The following IDE variants were observed in gnomAD, a reference collection of about 807,000 sequenced individuals.
IDE encodes insulin degrading enzyme, also known as insulin-degrading enzyme.
A neutral mutation model predicts 133.2 loss-of-function variants in IDE; 58 were observed. The observed-to-expected ratio is 0.44, with a 90% CI of 0.35 to 0.54. IDE has a LOEUF of 0.54. IDE is among the 20% of genes least tolerant of loss of function. The pLI, the probability that IDE is intolerant of heterozygous loss-of-function variation, is 0.00. For missense variants in IDE, 981 were observed against 1,234.0 expected, an observed-to-expected ratio of 0.79 and a Z score of 3.07; for synonymous variants, 396 against 421.3, an observed-to-expected ratio of 0.94 and a Z score of 0.73.
chr10:92,498,933 T>C (rs1847867218), intron 11 of IDE, among the ~76,000 whole-genome samples: 1 of 152,166 alleles, frequency 6.6e-6, no homozygotes, highest in African/African-American at 2.4e-5. Context: ...TTGTAGAAGG[T>C]ATATGATAAA....
Position 92,453,390 on chromosome 10 carries a change from T to C in IDE, c.*1054A>G, listed in dbSNP as rs1413808265. Reference sequence around the variant, plus strand: ...AACATTTAAGGCAAGATTAGACTGGTAGCAACAAGGGATTTTAGAGTTTTA... The same window carrying C: ...AACATTTAAGGCAAGATTAGACTGGCAGCAACAAGGGATTTTAGAGTTTTA... On this transcript the variant is annotated 3_prime_UTR_variant, in exon 25 of 25. Coordinates refer to ENST00000265986, the MANE Select transcript of IDE (RefSeq NM_004969.4). The C allele has an allele frequency of 6.6e-6, 1 of 152,220 alleles. No individual in the cohort carries two copies. Among genetic ancestry groups the C allele is most frequent in the East Asian group, 1.9e-4 (1 of 5,204 alleles). 9.4% of individuals were successfully genotyped at this position (152,220 alleles called of 1,614,324 possible).
chr10:92,551,227 G>GA (rs1842761660), intron 1 of IDE, among the ~76,000 whole-genome samples: 1 of 152,054 alleles, frequency 6.6e-6, no homozygotes, highest in Non-Finnish European at 1.5e-5. Context: ...CCTTAAAAAG[G>GA]AAAAAAATTC....
chr10:92,565,039 A>G (rs1368468435), intron 1 of IDE, among the ~76,000 whole-genome samples: 2 of 151,946 alleles, frequency 1.3e-5, no homozygotes, highest in Non-Finnish European at 2.9e-5. Context: ...TGAGGTCAGG[A>G]GTTTGAGACC....
chr10:92,537,655 G>C, intron 1 of IDE, 105 bp from the exon 2 acceptor site: 1 of 803,890 alleles, frequency 1.2e-6, no homozygotes, highest in Non-Finnish European at 1.9e-6. Flanking sequence ...TTTTCTAAAT[G>C]CTGAAGGAAA....
In IDE at chr10:92,508,180, C is replaced by T. The variant is rs376805406; in HGVS notation, c.1086G>A (p.Gly362=). 1 of 1,613,670 alleles carries T rather than the reference C, an allele frequency of 6.2e-7. No individual in the cohort carries two copies. Among genetic ancestry groups the T allele is most frequent in the Non-Finnish European group, 8.5e-7 (1 of 1,179,788 alleles). ...TAAAACCTCGGGCTCCTTCCTTCTG[C>T]CCACCAACAAGAGTATTAACCCAGC... The part of the protein sequence containing the change: ...SKGWVNTLVG[G]QKEGARGFMF... The change falls in exon 8 of 25, where the codon GGG becomes GGA. Residue 362 remains glycine (G), a synonymous_variant. Coordinates refer to ENST00000265986, the MANE Select transcript of IDE (RefSeq NM_004969.4).
chr10:92,534,503 T>C, intron 3 of IDE, 75 bp downstream of exon 3: 1 of 884,136 alleles, frequency 1.1e-6, no homozygotes, highest in African/African-American at 1.7e-5. Flanking sequence ...AAGCCATCTC[T>C]GTGGAAATAA....
chr10:92,477,121 T>C (rs139125196), intron 15 of IDE, among the ~76,000 whole-genome samples: 1 of 152,178 alleles, frequency 6.6e-6, no homozygotes, highest in African/African-American at 2.4e-5. Context: ...GTAAAAAGGA[T>C]ACACTGTATG....
chr10:92,501,743 G>C (rs1218625194), intron 11 of IDE, among the ~76,000 whole-genome samples: 1 of 151,984 alleles, frequency 6.6e-6, no homozygotes, highest in East Asian at 1.9e-4. Flanking sequence ...GGGAGGCTGA[G>C]GTGGGCGGAT....
intron 10 of IDE, among the ~76,000 whole-genome samples, 185 bp from the exon 11 acceptor site, chr10:92,505,082 G>C (rs758231124): frequency 1.3e-5 from 2 of 152,100 alleles, no homozygotes; most frequent in African/African-American, 4.8e-5. Context: ...TTGTTAAGCA[G>C]TTTCATATTG....
At chr10:92,512,838 A>C (rs1848701408) in intron 5 of IDE, among the ~76,000 whole-genome samples, 1 of 152,212 alleles carries the variant, frequency 6.6e-6, no homozygotes, top group African/African-American at 2.4e-5. Flanking sequence ...AAGTTACCAT[A>C]ATTTCATGAT....
At chr10:92,546,767 T>C (rs954948961) in intron 1 of IDE, among the ~76,000 whole-genome samples, 1 of 152,190 alleles carries the variant, frequency 6.6e-6, no homozygotes, top group Non-Finnish European at 1.5e-5. Context: ...TAGTAATTAC[T>C]TTAGACTCTA....
At chr10:92,532,005 GA>G in intron 3 of IDE, 88 bp from the exon 4 acceptor site, 3 of 943,868 alleles carry the variant, frequency 3.2e-6, no homozygotes, top group Non-Finnish European at 4.4e-6. Flanking sequence ...TATTAGATAG[GA>G]AATGTAAATT....
Position 92,514,611 on chromosome 10 carries a change from A to T in IDE, c.784+309T>A, listed in dbSNP as rs545165948. Among the ~76,000 whole-genome samples, 236 of 151,924 alleles carry T rather than the reference A, an allele frequency of 1.6e-3. 1 individual carries two copies. Among genetic ancestry groups the T allele is most frequent in the African/African-American group, 5.4e-3 (222 of 41,452 alleles). ...TACCACATCCCACTAATTTAAAAAA[A>T]TTTTTTTTGGTAGAGACAGGATCTT... On this transcript the variant is annotated intron_variant, in intron 5 of 24. Transcript: ENST00000265986.
chr10:92,468,845 AGTC>A, intron 19 of IDE, 31 bp downstream of exon 19: 1 of 1,108,862 alleles, frequency 9.0e-7, no homozygotes, highest in Non-Finnish European at 1.4e-6. Flanking sequence ...ATGTCAAAAT[AGTC>A]CATTCCCAAA....
In IDE at chr10:92,455,603, A is replaced by G; in HGVS notation, c.2937T>C (p.Asn979=). Residue 979 remains asparagine, a synonymous_variant, in exon 24 of 25, where the codon AAT becomes AAC. Coordinates refer to ENST00000265986, the MANE Select transcript of IDE (RefSeq NM_004969.4). Reference sequence around the variant, plus strand: ...GTGGCAAGGCTGGTGCTTGTGACAAATTTATGTCATTTTGACATGGGAACT... The same window carrying G: ...GTGGCAAGGCTGGTGCTTGTGACAAGTTTATGTCATTTTGACATGGGAACT... ...VGEFPCQNDI[N]LSQAPALPQP... is the part of the protein sequence containing the mutation. The G allele has an allele frequency of 1.2e-6, 2 of 1,603,446 alleles. No homozygotes were observed. The highest frequency in any genetic ancestry group is 1.7e-6 in the Non-Finnish European group (2 of 1,170,366).
Position 92,475,903 on chromosome 10 carries a change from A to C in IDE, c.1976T>G (p.Phe659Cys), listed in dbSNP as rs772157709. 7.0e-7 allele frequency: 1 copy of C among 1,435,614 alleles called. No homozygotes were observed. The highest frequency in any genetic ancestry group is 1.9e-4 in the Middle Eastern group (1 of 5,362). 88.9% of individuals were successfully genotyped at this position (1,435,614 alleles called of 1,614,324 possible). A position where few individuals can be genotyped will look rare whatever the true frequency, so the allele number is the denominator to read the frequency against. ...ACTTACTGCTTCTTTGATAATTTCAAATCTTTTTTCATCAATCTCAAAGGT... is the reference window on the plus strand; with the variant it reads ...ACTTACTGCTTCTTTGATAATTTCACATCTTTTTTCATCAATCTCAAAGGT... ...MATFEIDEKR[F>C]EIIKEAYMRS... The change falls in exon 16 of 25, where the codon TTT becomes TGT. Residue 659 changes from phenylalanine to cysteine, a missense_variant. Physicochemically the swap from Phe to Cys is radical, Grantham distance 205. Around this residue, in one of 2 missense-constraint regions of IDE, gnomAD observed 660 missense variants for 894.7 expected, o/e 0.74. Transcript: ENST00000265986.
chr10:92,524,484 T>TTATATATTTTATATAATATATAATATA (rs1849489340), intron 4 of IDE, among the ~76,000 whole-genome samples: 3 of 27,180 alleles, frequency 1.1e-4, no homozygotes, highest in African/African-American at 5.3e-4. Flanking sequence ...ATAATATATA[T>TTATATATTTTATATAATATATAATATA]TATATTATAA....
intron 1 of IDE, among the ~76,000 whole-genome samples, chr10:92,559,918 G>A (rs189066880): frequency 3.3e-5 from 5 of 151,836 alleles, no homozygotes; most frequent in Admixed American, 3.3e-4. Context: ...TTTATTTTTT[G>A]TAGAGATAGG....
rs1348515810 is a variant in IDE, at chr10:92,474,886, T to A, written c.2071A>T (p.Thr691Ser). The change falls in exon 17 of 25, where the codon ACT becomes TCT. Residue 691 changes from threonine (T) to serine (S), a missense_variant. By Grantham distance (58) the Thr-to-Ser change is moderately conservative (BLOSUM62 1). This residue lies in a region of IDE where 660 missense variants were observed against 894.7 expected (regional missense o/e 0.74). Coordinates refer to ENST00000265986, the MANE Select transcript of IDE (RefSeq NM_004969.4). ...HAMYYLRLLMTEVAWTKDELK... is the reference protein window; with the variant it reads ...HAMYYLRLLMSEVAWTKDELK... ...TCATCTTTAGTCCAGGCCACTTCAG[T>A]CATCAGCAAGCGGAGGTAGTACATG... 1.2e-6 allele frequency: 2 copies of A among 1,613,852 alleles called. No homozygotes were observed. Among genetic ancestry groups the A allele is most frequent in the Non-Finnish European group, 1.7e-6 (2 of 1,179,788 alleles).
Sources: allele counts gnomAD v4.1 joint callset (sites outside exome capture counted in the v4.1 genomes callset), GRCh38; gene constraint gnomAD v4.1.1; regional missense constraint gnomAD v4.1.1; transcripts MANE v1.5; gene names NCBI Gene and HGNC (gene_info 2026-07-23, HGNC 2026-07-21).